Variants in NELL1 observed in about 807,000 individuals in gnomAD.
NELL1 encodes the protein protein kinase C-binding protein NELL1.
NELL1 carries 76 observed loss-of-function variants against 107.4 expected under a neutral mutation model. The ratio of observed to expected loss-of-function variants is 0.71; its 90% CI spans 0.59 to 0.86. The LOEUF (loss-of-function observed/expected upper bound fraction) is 0.86, where lower values mean the gene tolerates loss of function less well. Ranked by LOEUF, NELL1 falls within the 40% of genes least tolerant of loss-of-function variation. The pLI is 0.00. For synonymous variants in NELL1, 353 were observed against 341.2 expected (o/e 1.03, Z -0.38); for missense variants, 1,024 against 1,005.5 (o/e 1.02, Z -0.25).
chr11:21,220,363 A>G (rs1267551222), intron 13 of NELL1, among the ~76,000 whole-genome samples: 1 of 152,062 alleles, frequency 6.6e-6, no homozygotes, highest in Non-Finnish European at 1.5e-5. Context: ...ATGGTTCCTC[A>G]AGTTTTAGGC....
intron 15 of NELL1, among the ~76,000 whole-genome samples, chr11:21,463,620 G>C (rs965552378): frequency 1.1e-4 from 16 of 152,214 alleles, no homozygotes; most frequent in African/African-American, 3.6e-4. Flanking sequence ...TAAAGGATAA[G>C]AACTACATCT....
intron 3 of NELL1, among the ~76,000 whole-genome samples, chr11:20,786,812 TC>T (rs1856970540): frequency 1.3e-5 from 2 of 151,584 alleles, no homozygotes; most frequent in Middle Eastern, 3.4e-3. Context: ...ATCGAGACCA[TC>T]CTGGCTAACA....
intron 12 of NELL1, among the ~76,000 whole-genome samples, chr11:21,049,419 A>G (rs1469199931): frequency 6.6e-6 from 1 of 152,128 alleles, no homozygotes; most frequent in Non-Finnish European, 1.5e-5. Context: ...CCCCATTGTA[A>G]GAGTTTTCAA....
At chr11:21,296,114 T>C (rs1195968155) in intron 14 of NELL1, among the ~76,000 whole-genome samples, 1 of 152,054 alleles carries the variant, frequency 6.6e-6, no homozygotes, top group East Asian at 1.9e-4. Flanking sequence ...TTACTACTTT[T>C]TTCCTTTCTA....
At chr11:20,755,546 T>TTTATTTTTTTTA (rs1564894982) in intron 2 of NELL1, among the ~76,000 whole-genome samples, 1 of 45,532 alleles carries the variant, frequency 2.2e-5, no homozygotes, top group African/African-American at 6.1e-5. Flanking sequence ...TTTTGTTTTT[T>TTTATTTTTTTTA]TTTGTTTTTG....
chr11:20,673,241 C>G (rs967490802), intron 1 of NELL1, among the ~76,000 whole-genome samples: 1 of 152,066 alleles, frequency 6.6e-6, no homozygotes, highest in South Asian at 2.1e-4. Flanking sequence ...CATGAGCCCC[C>G]AGCCTCCAAG....
chr11:21,543,827 G>T (rs1330892220), intron 16 of NELL1, among the ~76,000 whole-genome samples: 1 of 151,902 alleles, frequency 6.6e-6, no homozygotes, highest in African/African-American at 2.4e-5. Context: ...CACTAGACTC[G>T]GGCATGAACC....
rs528335082 is a variant in NELL1, at chr11:20,954,999, G to A, written c.1172-5433G>A. Among the ~76,000 whole-genome samples, 3 of 152,308 alleles carry A rather than the reference G, an allele frequency of 2.0e-5. No individual in the cohort carries two copies. In the East Asian group the frequency reaches 5.8e-4, roughly 29 times the overall value. On this transcript the variant is annotated intron_variant, in intron 11 of 19. Coordinates refer to ENST00000357134, the MANE Select transcript of NELL1 (RefSeq NM_006157.5). Reference sequence around the variant, plus strand: ...ACAAGGAATACGTGTGATAAAGGATGCACATGTGCCGTTGAGTCAAGCTTC... The same window carrying A: ...ACAAGGAATACGTGTGATAAAGGATACACATGTGCCGTTGAGTCAAGCTTC...
intron 12 of NELL1, among the ~76,000 whole-genome samples, chr11:21,025,100 T>G (rs1014228603): frequency 5.9e-5 from 9 of 152,130 alleles, no homozygotes; most frequent in Non-Finnish European, 7.4e-5. Flanking sequence ...GAAATTTTTA[T>G]GTATCTTTTA....
At chr11:21,455,420 C>G (rs1366624114) in intron 15 of NELL1, among the ~76,000 whole-genome samples, 1 of 148,842 alleles carries the variant, frequency 6.7e-6, no homozygotes, top group Admixed American at 6.8e-5. Context: ...CAGCCTTGAA[C>G]TCCTGGGAGC....
chr11:21,336,549 G>A (rs1400696642), intron 14 of NELL1, among the ~76,000 whole-genome samples: 1 of 151,766 alleles, frequency 6.6e-6, no homozygotes, highest in Non-Finnish European at 1.5e-5. Context: ...ATTTGCTCAA[G>A]ATCATAAAGT....
intron 12 of NELL1, among the ~76,000 whole-genome samples, chr11:21,096,753 G>T (rs954815090): frequency 2.0e-5 from 3 of 151,950 alleles, no homozygotes; most frequent in Non-Finnish European, 2.9e-5. Flanking sequence ...TTGATACGGG[G>T]TCTCACTCTG....
intron 15 of NELL1, among the ~76,000 whole-genome samples, chr11:21,414,676 T>C (rs1426167599): frequency 6.6e-6 from 1 of 152,108 alleles, no homozygotes; most frequent in Non-Finnish European, 1.5e-5. Flanking sequence ...CTTCTGATTA[T>C]GATTTTCACT....
intron 5 of NELL1, among the ~76,000 whole-genome samples, chr11:20,889,827 C>T (rs7107233): frequency 0.15 from 23,412 of 152,078 alleles, 2,603 homozygotes; most frequent in African/African-American, 0.29. Flanking sequence ...TAACTCCAGC[C>T]GGAGACTCAG....
intron 4 of NELL1, among the ~76,000 whole-genome samples, chr11:20,865,111 C>A (rs1385079385): frequency 6.6e-6 from 1 of 152,178 alleles, no homozygotes; most frequent in Non-Finnish European, 1.5e-5. Flanking sequence ...TAGAGCTATG[C>A]AGCAGTGGAA....
intron 15 of NELL1, among the ~76,000 whole-genome samples, chr11:21,516,886 C>T (rs753945552): frequency 1.3e-5 from 2 of 151,832 alleles, no homozygotes; most frequent in Non-Finnish European, 2.9e-5. Context: ...CCCAGTGCAA[C>T]CTCCGTCTCC....
At chr11:21,347,679 A>G (rs1293407428) in intron 14 of NELL1, among the ~76,000 whole-genome samples, 1 of 152,162 alleles carries the variant, frequency 6.6e-6, no homozygotes, top group Non-Finnish European at 1.5e-5. Flanking sequence ...AAGATCTTCA[A>G]TTTTATCTTT....
intron 15 of NELL1, among the ~76,000 whole-genome samples, chr11:21,522,926 GC>G (rs1397341336): frequency 7.7e-6 from 1 of 129,650 alleles, no homozygotes; most frequent in African/African-American, 2.9e-5. Flanking sequence ...CTTCATGCAA[GC>G]TCTGCCTCCC....
At chr11:20,985,076 A>C (rs1851825550) in intron 12 of NELL1, among the ~76,000 whole-genome samples, 1 of 152,166 alleles carries the variant, frequency 6.6e-6, no homozygotes, top group African/African-American at 2.4e-5. Context: ...CAACTTACAG[A>C]ATGATTAAAC....
Sources: gnomAD v4.1 joint callset for allele counts (sites outside exome capture counted in the v4.1 genomes callset) on GRCh38, gnomAD v4.1.1 for gene constraint, MANE v1.5 for transcripts, NCBI Gene and HGNC (gene_info 2026-07-23, HGNC 2026-07-21) for gene names.